The following SIPA1L3 variants were observed in gnomAD, a reference collection of about 807,000 sequenced individuals.
The protein encoded by SIPA1L3 is signal induced proliferation associated 1 like 3.
SIPA1L3 carries 59 observed loss-of-function variants against 150.1 expected under a neutral mutation model. The ratio of observed to expected loss-of-function variants is 0.39; its 90% confidence interval spans 0.32 to 0.49. The LOEUF is 0.49. Among genes scored for constraint, SIPA1L3 ranks in the 20% least tolerant of loss-of-function variants. The pLI is 0.86. For missense variants in SIPA1L3, 2,211 were observed against 2,489.5 expected, an observed-to-expected ratio of 0.89 and a Z score of 2.38; for synonymous variants, 1,070 against 1,077.6, an observed-to-expected ratio of 0.99 and a Z score of 0.14.
At chr19:37,973,943 G>A (rs1967010762) in intron 1 of SIPA1L3, among the ~76,000 whole-genome samples, 1 of 152,130 alleles carries the variant, frequency 6.6e-6, no homozygotes, top group African/African-American at 2.4e-5. Context: ...TGATGTGTTG[G>A]CCTGGAGTCC....
At chr19:38,203,889 C>T (rs1312528699) in intron 20 of SIPA1L3, 1 of 532,392 alleles carries the variant, frequency 1.9e-6, no homozygotes, top group African/African-American at 1.9e-5. Flanking sequence ...GGTGGGCAGC[C>T]ACCCTTCCCC....
chr19:38,126,838 A>G (rs539243011), intron 9 of SIPA1L3, among the ~76,000 whole-genome samples: 99 of 152,096 alleles, frequency 6.5e-4, no homozygotes, highest in African/African-American at 2.3e-3. Flanking sequence ...GCCCGGCCCA[A>G]TTTTACTTTT....
At chr19:38,012,558 A>G (rs773185621) in intron 1 of SIPA1L3, among the ~76,000 whole-genome samples, 1 of 151,978 alleles carries the variant, frequency 6.6e-6, no homozygotes, top group African/African-American at 2.4e-5. Flanking sequence ...TCCAACCTCA[A>G]TCCACTACCC....
In SIPA1L3 at chr19:38,101,094, G is replaced by C. The variant is rs145206220; in HGVS notation, c.1897G>C (p.Gly633Arg). The change falls in exon 6 of 22, where the codon GGC becomes CGC. Residue 633 changes from glycine (G) to arginine (R), a missense_variant. Coordinates refer to ENST00000222345, the MANE Select transcript of SIPA1L3 (RefSeq NM_015073.3). ...HKVGILYCKA[G>R]QSSEEEMYNN... ...GGTGGGCATCCTCTATTGCAAGGCCGGCCAGAGCTCCGAGGAGGAGATGTA... is the reference window on the plus strand; with the variant it reads ...GGTGGGCATCCTCTATTGCAAGGCCCGCCAGAGCTCCGAGGAGGAGATGTA... 1 of 1,599,430 alleles carries C rather than the reference G, an allele frequency of 6.3e-7. No individual in the cohort carries two copies. The highest frequency in any genetic ancestry group is 1.3e-5 in the African/African-American group (1 of 74,382).
rs113672055 is a variant in SIPA1L3 at position 37,987,223 on chromosome 19, C to T, written c.-378-41866C>T. Among the ~76,000 whole-genome samples, 456 of 152,202 alleles carry T rather than the reference C, an allele frequency of 3.0e-3. 3 individuals carry two copies. Among genetic ancestry groups the T allele is most frequent in the African/African-American group, 0.01 (434 of 41,510 alleles). ...GATTATAGATGTGAGCCACCGCGCC[C>T]GGACACATCTGCTTTTTCAGTGAGC... On this transcript the variant is annotated intron_variant, in intron 1 of 21. Transcript: ENST00000222345.
chr19:37,954,951 G>A (rs1324017761), intron 1 of SIPA1L3, among the ~76,000 whole-genome samples: 2 of 152,004 alleles, frequency 1.3e-5, no homozygotes, highest in South Asian at 2.1e-4. Flanking sequence ...GCCAGGCATT[G>A]TGGTGCATGC....
Position 37,937,741 on chromosome 19 carries a change from C to CA in SIPA1L3, c.-379+30406dup, listed in dbSNP as rs34881450. On this transcript the variant is annotated intron_variant, in intron 1 of 21. Transcript: ENST00000222345. Reference sequence around the variant, plus strand: ...AGGGCGACAGAGTGAAACCCTGTCTCAAAAAAAAAAAAAAAAAAAAAAAGA... The same window carrying CA: ...AGGGCGACAGAGTGAAACCCTGTCTCAAAAAAAAAAAAAAAAAAAAAAAAGA... 8.7e-3 allele frequency among the ~76,000 whole-genome samples: 162 copies of CA among 18,614 alleles called. 17 individuals are homozygous for CA. Among genetic ancestry groups the CA allele is most frequent in the Middle Eastern group, 0.056 (1 of 18 alleles). 12.2% of individuals were successfully genotyped at this position (18,614 alleles called of 152,430 possible). A position where few individuals can be genotyped will look rare whatever the true frequency, so the allele number is the denominator to read the frequency against.
intron 1 of SIPA1L3, among the ~76,000 whole-genome samples, chr19:38,001,073 TCA>T (rs889329521): frequency 4.0e-5 from 6 of 150,848 alleles, no homozygotes; most frequent in East Asian, 1.9e-4. Context: ...CACATATATA[TCA>T]CATATATATA....
At chr19:38,057,077 T>C (rs932431132) in intron 2 of SIPA1L3, among the ~76,000 whole-genome samples, 90 of 152,100 alleles carry the variant, frequency 5.9e-4, no homozygotes, top group African/African-American at 2.0e-3. Flanking sequence ...TCGAGACCAG[T>C]CTGGCCAACA....
chr19:37,967,690 C>T (rs1403634991), intron 1 of SIPA1L3, among the ~76,000 whole-genome samples: 2 of 151,898 alleles, frequency 1.3e-5, no homozygotes, highest in African/African-American at 2.4e-5. Flanking sequence ...GACTTCAACA[C>T]GTGAATTTTA....
At chr19:38,089,460 G>A (rs534768849) in intron 4 of SIPA1L3, among the ~76,000 whole-genome samples, 1 of 152,112 alleles carries the variant, frequency 6.6e-6, no homozygotes, top group Non-Finnish European at 1.5e-5. Context: ...GTTTGCAAGA[G>A]ATTAGCTCTA....
chr19:38,107,014 C>A (rs1568553312), intron 7 of SIPA1L3, among the ~76,000 whole-genome samples: 1 of 152,196 alleles, frequency 6.6e-6, no homozygotes, highest in African/African-American at 2.4e-5. Context: ...TTATATAACT[C>A]TAAGATTGTA....
chr19:38,176,536 A>G (rs1036864667), intron 15 of SIPA1L3, among the ~76,000 whole-genome samples: 1 of 152,136 alleles, frequency 6.6e-6, no homozygotes, highest in Non-Finnish European at 1.5e-5. Flanking sequence ...AGCTGGGACT[A>G]CAGGCATATG....
At chr19:38,048,220 C>G (rs528684137) in intron 2 of SIPA1L3, among the ~76,000 whole-genome samples, 1 of 152,142 alleles carries the variant, frequency 6.6e-6, no homozygotes, top group Non-Finnish European at 1.5e-5. Flanking sequence ...AGTAACAACC[C>G]TGGCACCATC....
chr19:38,142,425 GC>G, intron 11 of SIPA1L3, 147 bp from the exon 12 acceptor site: 1 of 844,336 alleles, frequency 1.2e-6, no homozygotes, highest in South Asian at 1.9e-5. Flanking sequence ...GCAGTGAATA[GC>G]AGAAGGGATG....
chr19:38,138,486 T>C (rs9941474), intron 10 of SIPA1L3, among the ~76,000 whole-genome samples: 100,249 of 151,968 alleles, frequency 0.66, 34,550 homozygotes, highest in African/African-American at 0.86. Flanking sequence ...CATTTAGGCA[T>C]AGCCATATCC....
intron 2 of SIPA1L3, among the ~76,000 whole-genome samples, chr19:38,078,986 C>G (rs1969916881): frequency 6.6e-6 from 1 of 152,162 alleles, no homozygotes; most frequent in African/African-American, 2.4e-5. Flanking sequence ...TCAGGAGGTA[C>G]TTACACCTCC....
intron 15 of SIPA1L3, among the ~76,000 whole-genome samples, chr19:38,167,426 C>A (rs1405668627): frequency 6.6e-6 from 1 of 152,130 alleles, no homozygotes; most frequent in African/African-American, 2.4e-5. Context: ...AGTGTCAGCA[C>A]TTCCCCGGGC....
At chr19:37,947,264 C>T (rs193172346) in intron 1 of SIPA1L3, among the ~76,000 whole-genome samples, 219 of 151,694 alleles carry the variant, frequency 1.4e-3, no homozygotes, top group African/African-American at 5.0e-3. Flanking sequence ...CCGAGGCGGG[C>T]GGATCACAAG....
Sources: gnomAD v4.1 joint callset for allele counts (sites outside exome capture counted in the v4.1 genomes callset) on GRCh38, gnomAD v4.1.1 for gene constraint, MANE v1.5 for transcripts, NCBI Gene and HGNC (gene_info 2026-07-23, HGNC 2026-07-21) for gene names.